Variants in ACTA2 observed in about 807,000 individuals in gnomAD.
ACTA2 encodes actin, aortic smooth muscle.
ACTA2 carries 12 observed loss-of-function variants against 39.5 expected under a neutral mutation model. That is an observed-to-expected ratio of 0.30 (90% confidence interval 0.19 to 0.49). The LOEUF (loss-of-function observed/expected upper bound fraction) is 0.49. ACTA2 is among the 20% of genes least tolerant of loss of function. ACTA2 has a pLI of 0.99. For synonymous variants in ACTA2, 158 were observed against 180.6 expected (o/e 0.88, Z 1.00); for missense variants, 236 against 498.8 (o/e 0.47, Z 5.02).
At chr10:88,989,845 T>C (rs1847060790) in intron 1 of ACTA2, among the ~76,000 whole-genome samples, 1 of 152,240 alleles carries the variant, frequency 6.6e-6, no homozygotes, top group African/African-American at 2.4e-5. Context: ...GTGTCCAGTC[T>C]GGAACTGCAT....
chr10:88,948,975 C>A (rs201343300), intron 1 of ACTA2, 22 bp from the exon 2 acceptor site: 17 of 1,612,042 alleles, frequency 1.1e-5, no homozygotes, highest in Non-Finnish European at 1.3e-5. Flanking sequence ...AGGGAGGAAG[C>A]AGCCTCAGCT....
intron 1 of ACTA2, chr10:88,973,833 ACTCTGTC>A (rs1564658342): frequency 6.6e-6 from 1 of 152,032 alleles, no homozygotes; most frequent in African/African-American, 2.4e-5. Context: ...ACAGAGTCTC[ACTCTGTC>A]GCCCAGGCTG....
intron 1 of ACTA2, among the ~76,000 whole-genome samples, chr10:88,979,493 T>C (rs758864834): frequency 2.0e-5 from 3 of 152,192 alleles, no homozygotes; most frequent in Non-Finnish European, 4.4e-5. Context: ...GGGATGATTT[T>C]AAACAGTAAT....
upstream of ACTA2, among the ~76,000 whole-genome samples, chr10:88,955,034 G>GAAAAAAAAAAAAAAAAAAAAAAAA (rs1846114237): frequency 2.9e-5 from 4 of 137,078 alleles, no homozygotes; most frequent in Non-Finnish European, 4.7e-5. Flanking sequence ...AAAAAAAAAA[G>GAAAAAAAAAAAAAAAAAAAAAAAA]AAGAAGAAGG....
intron 1 of ACTA2, chr10:88,973,400 C>T (rs1846493487): frequency 2.0e-5 from 27 of 1,346,270 alleles, no homozygotes; most frequent in East Asian, 5.2e-5. Flanking sequence ...ATAGAGTTCC[C>T]GATGAAAACA....
chr10:88,983,628 AAAAAAAAAAAACAC>A (rs1846772958), intron 1 of ACTA2, among the ~76,000 whole-genome samples: 1 of 147,780 alleles, frequency 6.8e-6, no homozygotes, highest in African/African-American at 2.5e-5. Context: ...AAAAAAAAAA[AAAAAAAAAAAACAC>A]ACACACACAC....
At chr10:88,946,158 T>G (rs1411189707) in intron 3 of ACTA2, among the ~76,000 whole-genome samples, 1 of 152,082 alleles carries the variant, frequency 6.6e-6, no homozygotes, top group Non-Finnish European at 1.5e-5. Flanking sequence ...GTGCAACAGC[T>G]GATGGTATGA....
chr10:88,986,950 T>C (rs1846913032), intron 1 of ACTA2, among the ~76,000 whole-genome samples: 1 of 152,246 alleles, frequency 6.6e-6, no homozygotes, highest in South Asian at 2.1e-4. Context: ...GCATATGTCA[T>C]TTCTTTAATC....
At position 88,939,566 on chromosome 10, in the gene ACTA2, A is replaced by T. The variant is rs751968992; in HGVS notation, c.749T>A (p.Ile250Asn). 6.2e-7 allele frequency: 1 copy of T among 1,614,104 alleles called. No individual in the cohort carries two copies. Among genetic ancestry groups the T allele is most frequent in the South Asian group, 1.1e-5 (1 of 91,084 alleles). Residue 250 changes from isoleucine to asparagine, a missense_variant, in exon 7 of 9, where the codon ATC (isoleucine) becomes AAC (asparagine). Coordinates refer to ENST00000224784, the MANE Select transcript of ACTA2 (RefSeq NM_001613.4). Reference protein sequence around the residue: ...KSYELPDGQVITIGNERFRCP... With the variant: ...KSYELPDGQVNTIGNERFRCP... ...GCGGAAACGTTCATTTCCGATGGTG[A>T]TCACTTGCCCATCAGGCAACTCGTA...
rs149555712 is a variant in ACTA2 at position 88,981,608 on chromosome 10, G to C, written c.-24+9331C>G. ...CCCAATTCAATCCAACAGCTGCTTT[G>C]TTAACAGTACCACAAGCAGTGGGGT... On this transcript the variant is annotated intron_variant, in intron 1 of 4. Coordinates refer to the ACTA2 transcript ENST00000415557. 4.0e-4 allele frequency among the ~76,000 whole-genome samples: 61 copies of C among 152,202 alleles called. 2 individuals carry two copies. In the South Asian group the frequency reaches 6.9e-3, roughly 17 times the overall value.
intron 2 of ACTA2, 121 bp downstream of exon 2, chr10:88,948,681 G>C (rs140831683): frequency 1.5e-6 from 2 of 1,356,176 alleles, no homozygotes; most frequent in Admixed American, 3.4e-5. Context: ...ATCATTAGAG[G>C]TCTATTTGTA....
At chr10:88,976,426 G>A (rs1846566057) in intron 1 of ACTA2, among the ~76,000 whole-genome samples, 1 of 152,150 alleles carries the variant, frequency 6.6e-6, no homozygotes, top group African/African-American at 2.4e-5. Flanking sequence ...GATAGGCCAA[G>A]GAAAATATAT....
At chr10:88,960,663 G>T (rs1241707802) in intron 1 of ACTA2, among the ~76,000 whole-genome samples, 2 of 152,064 alleles carry the variant, frequency 1.3e-5, no homozygotes, top group African/African-American at 2.4e-5. Context: ...CATGTGAAGA[G>T]GACCACCATG....
chr10:88,989,318 A>C, intron 1 of ACTA2: 10 of 294,938 alleles, frequency 3.4e-5, no homozygotes, highest in Non-Finnish European at 6.9e-5. Flanking sequence ...TCCTTCCCTC[A>C]CACCCCTTTT....
chr10:88,953,843 A>G (rs1418589817), upstream of ACTA2, among the ~76,000 whole-genome samples: 2 of 152,110 alleles, frequency 1.3e-5, no homozygotes, highest in East Asian at 3.9e-4. Context: ...GCCATGTAAG[A>G]CACGCCTCTT....
At chr10:88,986,621 T>A (rs1846893069) in intron 1 of ACTA2, among the ~76,000 whole-genome samples, 1 of 151,936 alleles carries the variant, frequency 6.6e-6, no homozygotes, top group Non-Finnish European at 1.5e-5. Context: ...AATGTGAGCA[T>A]GGAAGTAGTA....
chr10:88,966,669 G>A (rs916239345), intron 1 of ACTA2, among the ~76,000 whole-genome samples: 1 of 152,176 alleles, frequency 6.6e-6, no homozygotes, highest in Non-Finnish European at 1.5e-5. Flanking sequence ...CTGGCTGTCT[G>A]TGTTTGGGCA....
intron 1 of ACTA2, among the ~76,000 whole-genome samples, chr10:88,960,364 T>G (rs1846206118): frequency 6.6e-6 from 1 of 152,168 alleles, no homozygotes; most frequent in African/African-American, 2.4e-5. Context: ...TTTGCTAGAC[T>G]TCTGTGAAGA....
chr10:88,945,239 A>G (rs1056852702), intron 3 of ACTA2, among the ~76,000 whole-genome samples: 5 of 152,220 alleles, frequency 3.3e-5, no homozygotes, highest in African/African-American at 1.2e-4. Flanking sequence ...TTCTAAAAGA[A>G]TATTTTCCTA....
Sources: gnomAD v4.1 joint callset for allele counts (sites outside exome capture counted in the v4.1 genomes callset) on GRCh38, gnomAD v4.1.1 for gene constraint, MANE v1.5 for transcripts, NCBI Gene and HGNC (gene_info 2026-07-23, HGNC 2026-07-21) for gene names.